The following DAB1 variants were observed in gnomAD, a reference collection of about 807,000 sequenced individuals.
DAB1 encodes DAB adaptor protein 1, also known as disabled homolog 1.
A neutral mutation model predicts 64.6 loss-of-function variants in DAB1; 15 were observed. That is an observed-to-expected ratio of 0.23 (90% confidence interval 0.16 to 0.36). The LOEUF is 0.36. DAB1 is among the 10% of genes least tolerant of loss of function. The pLI, the probability that DAB1 is intolerant of heterozygous loss-of-function variation, is 1.00. For missense variants in DAB1, 596 were observed against 706.7 expected (o/e 0.84, Z 1.78); for synonymous variants, 235 against 251.9 (o/e 0.93, Z 0.64).
At chr1:57,996,942 G>A (rs1164871878) in intron 5 of DAB1, among the ~76,000 whole-genome samples, 1 of 152,136 alleles carries the variant, frequency 6.6e-6, no homozygotes, top group African/African-American at 2.4e-5. Context: ...TTAGGCATGA[G>A]CAGAGCAGGA....
rs1239758274 is a variant in DAB1, at chr1:58,131,553, G to C, written n.387+18958C>G. On this transcript the variant is annotated intron_variant and non_coding_transcript_variant, in intron 5 of 20. Transcript: ENST00000485760. ...GGCGCTCTGCTTTTTAGAGTTTCCA[G>C]TTTTTCTGTTCTGTTTTTTCCCCAT... is the stretch of plus-strand genomic sequence containing the variant. 5.6e-5 allele frequency among the ~76,000 whole-genome samples: 8 copies of C among 142,068 alleles called. 1 individual carries two copies. The South Asian group carries it at 1.7e-3, about 30-fold the overall frequency. The allele number at this position is 142,068 out of a possible 152,430, so 93.2% of individuals were successfully genotyped here.
intron 7 of DAB1, among the ~76,000 whole-genome samples, chr1:57,479,522 A>C (rs966077929): frequency 2.0e-5 from 3 of 151,596 alleles, no homozygotes; most frequent in Non-Finnish European, 4.4e-5. Context: ...TAGTACCCAA[A>C]AGTTTGTAGT....
At chr1:57,588,572 AC>A (rs1433098896) in intron 7 of DAB1, among the ~76,000 whole-genome samples, 2 of 152,220 alleles carry the variant, frequency 1.3e-5, no homozygotes, top group Non-Finnish European at 2.9e-5. Flanking sequence ...TTATCTGCTT[AC>A]ATTAGGGAAA....
At chr1:58,402,647 AG>A (rs201721318) in intron 3 of DAB1, among the ~76,000 whole-genome samples, 3 of 145,624 alleles carry the variant, frequency 2.1e-5, no homozygotes, top group Non-Finnish European at 3.0e-5. Flanking sequence ...GGAAAGGAGG[AG>A]GGGGGGAGAG....
At chr1:57,842,688 C>G (rs1484932208) in intron 1 of DAB1, among the ~76,000 whole-genome samples, 1 of 152,238 alleles carries the variant, frequency 6.6e-6, no homozygotes, top group Admixed American at 6.5e-5. Context: ...TTAAAACCAT[C>G]AGATCTTGTT....
At chr1:57,432,590 T>C (rs1037597269) in intron 7 of DAB1, among the ~76,000 whole-genome samples, 2 of 152,298 alleles carry the variant, frequency 1.3e-5, no homozygotes. Context: ...AGAAGAGGAC[T>C]AAGAGGTGGG....
chr1:57,075,587 CA>C (rs770025046), intron 4 of DAB1, among the ~76,000 whole-genome samples: 6 of 152,198 alleles, frequency 3.9e-5, no homozygotes, highest in Non-Finnish European at 8.8e-5. Flanking sequence ...TGCATTATCA[CA>C]TTCGCTTTAG....
chr1:57,785,251 T>G (rs1035434913), intron 6 of DAB1, among the ~76,000 whole-genome samples: 1 of 152,184 alleles, frequency 6.6e-6, no homozygotes, highest in African/African-American at 2.4e-5. Flanking sequence ...ATCCAAGAAC[T>G]CTGATGGATA....
intron 7 of DAB1, among the ~76,000 whole-genome samples, chr1:57,568,830 G>T (rs1405825247): frequency 6.6e-6 from 1 of 152,042 alleles, no homozygotes; most frequent in East Asian, 1.9e-4. Flanking sequence ...ACTGTTGGTG[G>T]GACTGTAAAC....
intron 3 of DAB1, among the ~76,000 whole-genome samples, chr1:58,352,743 G>T (rs1403120594): frequency 6.6e-6 from 1 of 152,152 alleles, no homozygotes; most frequent in Non-Finnish European, 1.5e-5. Context: ...CTAAAGTGAT[G>T]ATATTGGGTG....
intron 2 of DAB1, among the ~76,000 whole-genome samples, chr1:57,290,023 C>T (rs551821695): frequency 1.3e-5 from 2 of 152,230 alleles, no homozygotes; most frequent in Admixed American, 1.3e-4. Context: ...ATATCTCTGG[C>T]TCCTCTCTGC....
At chr1:58,523,000 T>TAAGTTGTAAATACAA (rs1646290990) in intron 2 of DAB1, among the ~76,000 whole-genome samples, 1 of 152,188 alleles carries the variant, frequency 6.6e-6, no homozygotes, top group Non-Finnish European at 1.5e-5. Flanking sequence ...CTTTGTAATT[T>TAAGTTGTAAATACAA]CTGTTGTAAA....
chr1:58,288,852 G>A (rs912425603), intron 4 of DAB1, among the ~76,000 whole-genome samples: 1 of 152,140 alleles, frequency 6.6e-6, no homozygotes, highest in African/African-American at 2.4e-5. Context: ...TGCTAAAGGG[G>A]AAATCTTTAT....
chr1:57,007,028 TTCTC>T (rs36064832), intron 14 of DAB1, among the ~76,000 whole-genome samples: 1 of 151,894 alleles, frequency 6.6e-6, no homozygotes, highest in Admixed American at 6.6e-5. Flanking sequence ...CTCCTTTTTT[TTCTC>T]TCTCTCTCTT....
chr1:57,453,302 C>T (rs1323829228), intron 7 of DAB1, among the ~76,000 whole-genome samples: 1 of 152,140 alleles, frequency 6.6e-6, no homozygotes, highest in Non-Finnish European at 1.5e-5. Context: ...ACCATATATG[C>T]AATTTCTGTA....
chr1:58,284,263 C>T (rs2100443042), intron 4 of DAB1, among the ~76,000 whole-genome samples: 1 of 152,332 alleles, frequency 6.6e-6, no homozygotes, highest in African/African-American at 2.4e-5. Flanking sequence ...GGGCTTCTTT[C>T]CTTTCTCTCC....
chr1:57,441,563 A>G (rs1239800384), intron 7 of DAB1, among the ~76,000 whole-genome samples: 1 of 152,034 alleles, frequency 6.6e-6, no homozygotes, highest in Non-Finnish European at 1.5e-5. Context: ...CATGTTGTCC[A>G]GGCTGGTCTC....
At chr1:57,970,876 C>T (rs77258168) in intron 5 of DAB1, among the ~76,000 whole-genome samples, 1,939 of 150,876 alleles carry the variant, frequency 0.013, 17 homozygotes, top group Non-Finnish European at 0.021. Flanking sequence ...CTATGAGAGA[C>T]AAAAAAAAAC....
intron 3 of DAB1, among the ~76,000 whole-genome samples, chr1:58,372,279 G>A (rs1441100563): frequency 6.6e-6 from 1 of 152,214 alleles, no homozygotes; most frequent in Non-Finnish European, 1.5e-5. Flanking sequence ...GAAGATTTTG[G>A]GGCTTTAAGA....
Sources: gnomAD v4.1 joint callset for allele counts (sites outside exome capture counted in the v4.1 genomes callset) on GRCh38, gnomAD v4.1.1 for gene constraint, MANE v1.5 for transcripts, NCBI Gene and HGNC (gene_info 2026-07-23, HGNC 2026-07-21) for gene names.